ADAMTS12: variants seen among roughly 807,000 people sequenced by gnomAD.
The protein encoded by ADAMTS12 is ADAM metallopeptidase with thrombospondin type 1 motif 12.
ADAMTS12 carries 118 observed loss-of-function variants against 167.8 expected under a neutral mutation model. That is an observed-to-expected ratio of 0.70 (90% CI 0.61 to 0.82). The LOEUF is 0.82. Ranked by LOEUF, ADAMTS12 falls within the 40% of genes least tolerant of loss-of-function variation. The probability of loss-of-function intolerance (pLI) is 0.00; values close to 1 mark genes in which losing one functional copy is unlikely to be tolerated. For synonymous variants in ADAMTS12, 704 were observed against 716.9 expected (o/e 0.98, Z 0.29); for missense variants, 1,916 against 1,998.8 (o/e 0.96, Z 0.79).
At chr5:33,860,745 C>A (rs1305758880) in intron 2 of ADAMTS12, among the ~76,000 whole-genome samples, 1 of 151,770 alleles carries the variant, frequency 6.6e-6, no homozygotes, top group Non-Finnish European at 1.5e-5. Flanking sequence ...AAGTTTCAAT[C>A]TTCATTTTAA....
At chr5:33,857,197 T>A (rs7704760) in intron 2 of ADAMTS12, among the ~76,000 whole-genome samples, 1 of 151,996 alleles carries the variant, frequency 6.6e-6, no homozygotes, top group Non-Finnish European at 1.5e-5. Context: ...CACTTATATG[T>A]GGAACCAAAA....
In ADAMTS12 at chr5:33,715,734, C is replaced by CT. The variant is rs544827428; in HGVS notation, c.635-31680dup. On this transcript the variant is annotated intron_variant, in intron 3 of 23. Transcript: ENST00000504830. ...GAACGCAAAACACAATGAAACCAGC[C>CT]TTTTTTGTGATAAAGAAGAATCCTA... 9.3e-4 allele frequency among the ~76,000 whole-genome samples: 142 copies of CT among 152,206 alleles called. 1 individual carries two copies. The highest frequency in any genetic ancestry group is 3.4e-3 in the African/African-American group (141 of 41,532).
At chr5:33,662,836 T>A (rs1741305551) in intron 5 of ADAMTS12, among the ~76,000 whole-genome samples, 1 of 152,236 alleles carries the variant, frequency 6.6e-6, no homozygotes, top group African/African-American at 2.4e-5. Context: ...TTCCCTTGCC[T>A]CATTTCTTTG....
At chr5:33,747,839 G>T (rs1445402150) in intron 3 of ADAMTS12, among the ~76,000 whole-genome samples, 1 of 152,138 alleles carries the variant, frequency 6.6e-6, no homozygotes, top group Non-Finnish European at 1.5e-5. Context: ...ACCAGGACTA[G>T]ATCTCTACTT....
chr5:33,560,714 A>G (rs368127066), intron 20 of ADAMTS12, among the ~76,000 whole-genome samples: 276 of 147,626 alleles, frequency 1.9e-3, no homozygotes, highest in Admixed American at 3.1e-3. Context: ...GGTGGGAATT[A>G]AACAATGAGA....
chr5:33,749,460 T>C (rs1314583240), intron 3 of ADAMTS12, among the ~76,000 whole-genome samples: 1 of 151,978 alleles, frequency 6.6e-6, no homozygotes, highest in African/African-American at 2.4e-5. Context: ...AAGGTTCTTC[T>C]AGTAGAGCTG....
chr5:33,819,642 T>A (rs532424728), intron 2 of ADAMTS12, among the ~76,000 whole-genome samples: 1 of 152,296 alleles, frequency 6.6e-6, no homozygotes, highest in Non-Finnish European at 1.5e-5. Flanking sequence ...CCATTGAAAT[T>A]TTCATAGGAA....
intron 17 of ADAMTS12, among the ~76,000 whole-genome samples, chr5:33,589,149 A>G (rs1352948986): frequency 6.6e-6 from 1 of 152,182 alleles, no homozygotes; most frequent in Non-Finnish European, 1.5e-5. Flanking sequence ...TCATTATTCA[A>G]TGGGTGTGAA....
intron 2 of ADAMTS12, among the ~76,000 whole-genome samples, chr5:33,776,475 C>T (rs1745914142): frequency 6.6e-6 from 1 of 152,048 alleles, no homozygotes; most frequent in Non-Finnish European, 1.5e-5. Flanking sequence ...ATTCCTGAAT[C>T]CATGGATCAA....
intron 19 of ADAMTS12, among the ~76,000 whole-genome samples, chr5:33,566,432 C>T (rs556410802): frequency 6.6e-6 from 1 of 152,246 alleles, no homozygotes; most frequent in East Asian, 1.9e-4. Context: ...CCACTGCACT[C>T]CGACCTGGGT....
chr5:33,582,282 A>T (rs1377718696), intron 18 of ADAMTS12, among the ~76,000 whole-genome samples: 9 of 152,182 alleles, frequency 5.9e-5, no homozygotes, highest in Admixed American at 5.9e-4. Flanking sequence ...CAGGCTACTG[A>T]TGCCTGGGAA....
At chr5:33,727,404 A>G (rs557424016) in intron 3 of ADAMTS12, among the ~76,000 whole-genome samples, 2 of 152,358 alleles carry the variant, frequency 1.3e-5, no homozygotes, top group Non-Finnish European at 2.9e-5. Flanking sequence ...AAGTTAACAT[A>G]GCTGTTTTCT....
chr5:33,770,783 C>T (rs1267112848), intron 2 of ADAMTS12, among the ~76,000 whole-genome samples: 1 of 149,758 alleles, frequency 6.7e-6, no homozygotes, highest in Non-Finnish European at 1.5e-5. Flanking sequence ...TCCCTGCTTT[C>T]TTCTTCTCCT....
intron 2 of ADAMTS12, among the ~76,000 whole-genome samples, chr5:33,817,340 T>C (rs1037072745): frequency 4.6e-5 from 7 of 152,150 alleles, no homozygotes; most frequent in Admixed American, 3.9e-4. Flanking sequence ...AATTTATCAT[T>C]TAGTCAGTCA....
At chr5:33,615,758 T>G (rs1160796282) in intron 15 of ADAMTS12, 70 bp downstream of exon 15, 2 of 1,584,360 alleles carry the variant, frequency 1.3e-6, no homozygotes, top group Non-Finnish European at 1.7e-6. Context: ...CCCTAGCAAG[T>G]ACCTTGGGGA....
intron 2 of ADAMTS12, among the ~76,000 whole-genome samples, chr5:33,879,897 G>A (rs1028329758): frequency 6.6e-6 from 1 of 152,224 alleles, no homozygotes; most frequent in Non-Finnish European, 1.5e-5. Context: ...TGGAACAAGT[G>A]CCTTTTGTAG....
At chr5:33,836,984 A>G (rs1241744707) in intron 2 of ADAMTS12, among the ~76,000 whole-genome samples, 1 of 152,114 alleles carries the variant, frequency 6.6e-6, no homozygotes, top group East Asian at 1.9e-4. Context: ...CCTAGGCCCA[A>G]GCAATCTTCC....
At chr5:33,606,779 A>G (rs1312829775) in intron 16 of ADAMTS12, among the ~76,000 whole-genome samples, 1 of 152,228 alleles carries the variant, frequency 6.6e-6, no homozygotes, top group Non-Finnish European at 1.5e-5. Flanking sequence ...TAACTTTGAT[A>G]CCCAGCTGAA....
chr5:33,611,481 C>T (rs1032238508), intron 16 of ADAMTS12, among the ~76,000 whole-genome samples: 1 of 151,804 alleles, frequency 6.6e-6, no homozygotes, highest in African/African-American at 2.4e-5. Context: ...ACGAAAATAA[C>T]ACAATAATTA....
Sources: gnomAD v4.1 joint callset for allele counts (sites outside exome capture counted in the v4.1 genomes callset) on GRCh38, gnomAD v4.1.1 for gene constraint, MANE v1.5 for transcripts, NCBI Gene and HGNC (gene_info 2026-07-23, HGNC 2026-07-21) for gene names.